The following GPC5 variants were observed in gnomAD, a reference collection of about 807,000 sequenced individuals.
GPC5 encodes the protein glypican-5.
Under a neutral mutation model 53.9 loss-of-function variants are expected in GPC5, and 47 were observed. The observed-to-expected ratio is 0.87, with a 90% CI of 0.69 to 1.11. GPC5 has a LOEUF of 1.11. Among genes scored for constraint, GPC5 ranks in the 50% most tolerant of loss-of-function variants. The pLI, the probability that GPC5 is intolerant of heterozygous loss-of-function variation, is 0.00. For missense variants in GPC5, 748 were observed against 713.1 expected, an observed-to-expected ratio of 1.05 and a Z score of -0.56; for synonymous variants, 286 against 263.3, an observed-to-expected ratio of 1.09 and a Z score of -0.84.
At chr13:92,670,433 T>C (rs1886707446) in intron 7 of GPC5, among the ~76,000 whole-genome samples, 1 of 152,224 alleles carries the variant, frequency 6.6e-6, no homozygotes, top group South Asian at 2.1e-4. Flanking sequence ...GACAAGTGCA[T>C]GCAAAAGTAG....
intron 7 of GPC5, among the ~76,000 whole-genome samples, chr13:92,337,307 A>G (rs893226143): frequency 1.3e-5 from 2 of 152,122 alleles, no homozygotes; most frequent in Non-Finnish European, 2.9e-5. Flanking sequence ...AACTACACAA[A>G]TGGAGAGATA....
At chr13:91,884,591 C>T (rs2039302826) in intron 5 of GPC5, among the ~76,000 whole-genome samples, 1 of 152,114 alleles carries the variant, frequency 6.6e-6, no homozygotes, top group Non-Finnish European at 1.5e-5. Flanking sequence ...AGATTTTAAG[C>T]AGAGAAGTGA....
chr13:92,164,881 T>A (rs1192910682), intron 7 of GPC5, among the ~76,000 whole-genome samples: 1 of 152,196 alleles, frequency 6.6e-6, no homozygotes, highest in East Asian at 1.9e-4. Flanking sequence ...TTTCTATGCA[T>A]CCACAGGCTC....
intron 5 of GPC5, among the ~76,000 whole-genome samples, chr13:91,827,003 A>G (rs1298710849): frequency 1.3e-5 from 2 of 151,992 alleles, no homozygotes; most frequent in African/African-American, 2.4e-5. Context: ...ACAAAGTAAG[A>G]TCTAGTGTTT....
intron 6 of GPC5, among the ~76,000 whole-genome samples, chr13:91,960,630 G>C (rs778431065): frequency 6.6e-6 from 1 of 151,922 alleles, no homozygotes; most frequent in Non-Finnish European, 1.5e-5. Context: ...AATAAAGCTG[G>C]AGGCGTCACA....
chr13:92,628,095 G>A (rs1043025497), intron 7 of GPC5, among the ~76,000 whole-genome samples: 23 of 151,922 alleles, frequency 1.5e-4, no homozygotes, highest in Admixed American at 1.1e-3. Flanking sequence ...AACACTAAAA[G>A]TAAGTGCTAA....
intron 7 of GPC5, among the ~76,000 whole-genome samples, chr13:92,663,918 A>ACAC: frequency 1.5e-5 from 2 of 129,152 alleles, no homozygotes; most frequent in African/African-American, 5.9e-5. Flanking sequence ...ACACACACAC[A>ACAC]AAAATTAGCT....
chr13:92,314,008 T>C (rs1004044729), intron 7 of GPC5, among the ~76,000 whole-genome samples: 1 of 152,142 alleles, frequency 6.6e-6, no homozygotes, highest in African/African-American at 2.4e-5. Flanking sequence ...ACCAATTACT[T>C]CAAAACACTA....
At chr13:92,393,658 A>G (rs2139326947) in intron 7 of GPC5, among the ~76,000 whole-genome samples, 1 of 152,122 alleles carries the variant, frequency 6.6e-6, no homozygotes, top group East Asian at 1.9e-4. Flanking sequence ...GAAAGAAAAC[A>G]AAAAAAACTT....
intron 7 of GPC5, among the ~76,000 whole-genome samples, chr13:92,628,264 C>CTTTTTTT (rs71123419): frequency 0.024 from 1,096 of 45,248 alleles, 163 homozygotes; most frequent in Middle Eastern, 0.036. Context: ...CTTTTTCTTT[C>CTTTTTTT]TTTTTTTTTT....
Position 92,740,935 on chromosome 13 carries a change from T to C in GPC5, c.1562-125347T>C, listed in dbSNP as rs993188293. Among the ~76,000 whole-genome samples, 9 of 141,374 alleles carry C rather than the reference T, an allele frequency of 6.4e-5. No homozygotes were observed. The Admixed American group carries it at 6.8e-4, about 11-fold the overall frequency. 92.7% of individuals were successfully genotyped at this position (141,374 alleles called of 152,430 possible). ...ATATATATATGTGCATATGTATGCATGTATGTGTGTATATATATGTATGTG... is the reference window on the plus strand; with the variant it reads ...ATATATATATGTGCATATGTATGCACGTATGTGTGTATATATATGTATGTG... On this transcript the variant is annotated intron_variant, in intron 7 of 7. Coordinates refer to ENST00000377067, the MANE Select transcript of GPC5 (RefSeq NM_004466.6).
chr13:92,151,108 C>A (rs2041904518), intron 7 of GPC5, among the ~76,000 whole-genome samples: 1 of 152,004 alleles, frequency 6.6e-6, no homozygotes, highest in African/African-American at 2.4e-5. Flanking sequence ...TTAGGTATAT[C>A]TTCGGGTCTT....
chr13:92,134,370 C>T (rs1055985967), intron 6 of GPC5, among the ~76,000 whole-genome samples: 3 of 151,932 alleles, frequency 2.0e-5, no homozygotes, highest in Admixed American at 6.6e-5. Flanking sequence ...ATCCAGGCCA[C>T]GAAGAACTGT....
intron 2 of GPC5, among the ~76,000 whole-genome samples, chr13:91,589,649 G>A (rs944326191): frequency 6.6e-6 from 1 of 152,036 alleles, no homozygotes; most frequent in Non-Finnish European, 1.5e-5. Flanking sequence ...GATTGACAAA[G>A]GGTACAATTT....
intron 7 of GPC5, among the ~76,000 whole-genome samples, chr13:92,246,526 T>C (rs1431952974): frequency 6.6e-6 from 1 of 152,220 alleles, no homozygotes; most frequent in East Asian, 1.9e-4. Context: ...CAAACCATCC[T>C]GTCAGTAGAT....
intron 7 of GPC5, among the ~76,000 whole-genome samples, chr13:92,202,084 T>G (rs946859651): frequency 6.6e-6 from 1 of 152,188 alleles, no homozygotes; most frequent in Non-Finnish European, 1.5e-5. Flanking sequence ...ATGTCAGAAG[T>G]CAGTCTCAAA....
At chr13:91,617,328 G>C (rs1484226224) in intron 2 of GPC5, among the ~76,000 whole-genome samples, 1 of 152,090 alleles carries the variant, frequency 6.6e-6, no homozygotes, top group Non-Finnish European at 1.5e-5. Flanking sequence ...TTTAATTTTG[G>C]TTTTTAAGGA....
chr13:91,600,402 G>A (rs2033143650), intron 2 of GPC5, among the ~76,000 whole-genome samples: 1 of 151,446 alleles, frequency 6.6e-6, no homozygotes, highest in Non-Finnish European at 1.5e-5. Flanking sequence ...GCTGGGCACA[G>A]TATATAAAGA....
intron 2 of GPC5, among the ~76,000 whole-genome samples, chr13:91,549,806 G>A (rs2030520147): frequency 6.6e-6 from 1 of 152,156 alleles, no homozygotes; most frequent in Non-Finnish European, 1.5e-5. Context: ...TTAATTGCTG[G>A]TGGGAATGCA....
Sources: allele counts gnomAD v4.1 joint callset (sites outside exome capture counted in the v4.1 genomes callset), GRCh38; gene constraint gnomAD v4.1.1; transcripts MANE v1.5; gene names NCBI Gene and HGNC (gene_info 2026-07-23, HGNC 2026-07-21).